MDGA2: variants seen among roughly 807,000 people sequenced by gnomAD.
MDGA2 encodes MAM domain-containing glycosylphosphatidylinositol anchor protein 2.
In MDGA2, 40 loss-of-function variants were observed where a neutral mutation model predicts 117.8. That is an observed-to-expected ratio of 0.34 (90% confidence interval 0.26 to 0.44). The LOEUF is 0.44. Ranked by LOEUF, MDGA2 falls within the 20% of genes least tolerant of loss-of-function variation. MDGA2 has a pLI of 1.00. For missense variants in MDGA2, 1,123 were observed against 1,250.6 expected, an observed-to-expected ratio of 0.90 and a Z score of 1.54; for synonymous variants, 452 against 439.0, an observed-to-expected ratio of 1.03 and a Z score of -0.37.
chr14:47,559,526 C>T (rs908052823), intron 1 of MDGA2, among the ~76,000 whole-genome samples: 1 of 150,940 alleles, frequency 6.6e-6, no homozygotes, highest in Non-Finnish European at 1.5e-5. Context: ...GTCTTTGCTA[C>T]TGTGAATGGT....
At chr14:47,270,747 T>C (rs545118379) in intron 2 of MDGA2, among the ~76,000 whole-genome samples, 1 of 152,282 alleles carries the variant, frequency 6.6e-6, no homozygotes, top group Non-Finnish European at 1.5e-5. Context: ...TAATTTATGC[T>C]TGGAATAGGC....
chr14:46,878,610 C>G (rs1390795750), intron 11 of MDGA2, among the ~76,000 whole-genome samples: 1 of 151,908 alleles, frequency 6.6e-6, no homozygotes, highest in Non-Finnish European at 1.5e-5. Flanking sequence ...AGACAATTCC[C>G]ATTACTGTAG....
chr14:47,174,077 C>T (rs1249546478), intron 3 of MDGA2, among the ~76,000 whole-genome samples: 1 of 152,110 alleles, frequency 6.6e-6, no homozygotes, highest in East Asian at 1.9e-4. Flanking sequence ...GTAAAGGGAT[C>T]GATTCAACAA....
intron 6 of MDGA2, among the ~76,000 whole-genome samples, chr14:47,080,321 C>T (rs1182426180): frequency 2.0e-5 from 3 of 152,078 alleles, no homozygotes; most frequent in Non-Finnish European, 2.9e-5. Flanking sequence ...ATTTATAACG[C>T]AAGATCAAGC....
At chr14:47,167,594 C>T (rs866914425) in intron 3 of MDGA2, among the ~76,000 whole-genome samples, 10 of 152,146 alleles carry the variant, frequency 6.6e-5, no homozygotes, top group Admixed American at 3.3e-4. Context: ...AAGTGAAGGA[C>T]TTCCAAGCAT....
intron 9 of MDGA2, among the ~76,000 whole-genome samples, chr14:46,932,148 A>G (rs892434244): frequency 3.3e-5 from 5 of 152,056 alleles, no homozygotes; most frequent in African/African-American, 1.2e-4. Flanking sequence ...AATATGTGTT[A>G]GCATAAAGAA....
chr14:47,505,013 A>G (rs1178977171), intron 1 of MDGA2, among the ~76,000 whole-genome samples: 1 of 152,232 alleles, frequency 6.6e-6, no homozygotes, highest in African/African-American at 2.4e-5. Context: ...CTATTCAGCC[A>G]TGAAAAAGAA....
intron 1 of MDGA2, among the ~76,000 whole-genome samples, chr14:47,505,645 C>A (rs1328052995): frequency 1.3e-5 from 2 of 152,028 alleles, no homozygotes; most frequent in African/African-American, 2.4e-5. Flanking sequence ...CAAAATGTGT[C>A]CTAATTCTCC....
chr14:47,320,518 C>T, intron 1 of MDGA2, among the ~76,000 whole-genome samples: 1 of 152,108 alleles, frequency 6.6e-6, no homozygotes, highest in East Asian at 1.9e-4. Context: ...ATCCTTCCTT[C>T]CTTCATGCTC....
rs191755772 is a variant in MDGA2, at chr14:47,381,376, G to C, written c.281-79826C>G. Reference sequence around the variant, plus strand: ...TTCTGGCCAGGGCAATCAGACAGGAGAAAGAAATAAAGGGTATTCAATTAG... The same window carrying C: ...TTCTGGCCAGGGCAATCAGACAGGACAAAGAAATAAAGGGTATTCAATTAG... On this transcript the variant is annotated intron_variant, in intron 1 of 16. Transcript: ENST00000399232. Among the ~76,000 whole-genome samples the C allele has an allele frequency of 1.6e-4, 24 of 152,276 alleles. No individual in the cohort carries two copies. In the East Asian group the frequency reaches 4.1e-3, roughly 26 times the overall value.
chr14:47,516,475 T>A (rs937512639), intron 1 of MDGA2, among the ~76,000 whole-genome samples: 5 of 152,164 alleles, frequency 3.3e-5, no homozygotes, highest in African/African-American at 1.2e-4. Flanking sequence ...AAATTACTAC[T>A]GATTAATAGA....
At chr14:47,108,031 G>A (rs4119637) in intron 5 of MDGA2, among the ~76,000 whole-genome samples, 133,329 of 144,446 alleles carry the variant, frequency 0.92, 61,672 homozygotes, top group East Asian at 1. Context: ...TCAGGCTCTT[G>A]GTATTCAGTG....
intron 3 of MDGA2, among the ~76,000 whole-genome samples, chr14:47,213,111 C>T (rs113833208): frequency 6.6e-6 from 1 of 152,038 alleles, no homozygotes; most frequent in African/African-American, 2.4e-5. Context: ...AAAGTAGTAT[C>T]CTCAGCAAGG....
At chr14:47,068,202 T>C (rs1184058208) in intron 6 of MDGA2, among the ~76,000 whole-genome samples, 2 of 152,048 alleles carry the variant, frequency 1.3e-5, no homozygotes, top group Non-Finnish European at 2.9e-5. Context: ...TATAAATGTC[T>C]CTTGAATATC....
chr14:47,374,037 AT>A (rs1891423505), intron 1 of MDGA2, among the ~76,000 whole-genome samples: 1 of 152,144 alleles, frequency 6.6e-6, no homozygotes, highest in African/African-American at 2.4e-5. Context: ...AATTTTACAT[AT>A]TTGGGATGAG....
intron 2 of MDGA2, among the ~76,000 whole-genome samples, chr14:47,237,026 G>A (rs1225291184): frequency 1.3e-5 from 2 of 152,002 alleles, no homozygotes; most frequent in Non-Finnish European, 2.9e-5. Context: ...ATAATATTCA[G>A]GTTCCTATAA....
chr14:47,506,477 C>G (rs10148807), intron 1 of MDGA2, among the ~76,000 whole-genome samples: 3 of 152,144 alleles, frequency 2.0e-5, no homozygotes, highest in Non-Finnish European at 4.4e-5. Flanking sequence ...CCCCGGACTT[C>G]GTATGTTTCT....
intron 9 of MDGA2, among the ~76,000 whole-genome samples, chr14:46,950,875 C>T (rs536948922): frequency 9.2e-5 from 13 of 141,622 alleles, no homozygotes; most frequent in African/African-American, 3.8e-4. Flanking sequence ...TAATTCAGTC[C>T]AAATTTAAAA....
intron 1 of MDGA2, among the ~76,000 whole-genome samples, chr14:47,358,810 A>G (rs1891050039): frequency 1.3e-5 from 2 of 152,218 alleles, no homozygotes; most frequent in African/African-American, 4.8e-5. Context: ...AAGAAATTGG[A>G]GAAGACACAA....
Sources: allele counts gnomAD v4.1 joint callset (sites outside exome capture counted in the v4.1 genomes callset), GRCh38; gene constraint gnomAD v4.1.1; transcripts MANE v1.5; gene names NCBI Gene and HGNC (gene_info 2026-07-23, HGNC 2026-07-21).